ARHGEF38: variants seen among roughly 807,000 people sequenced by gnomAD.
ARHGEF38 encodes Rho guanine nucleotide exchange factor 38.
A neutral mutation model predicts 79.9 loss-of-function variants in ARHGEF38; 79 were observed. That is an observed-to-expected ratio of 0.99 (90% CI 0.82 to 1.19). ARHGEF38 has a LOEUF of 1.19. Ranked by LOEUF, ARHGEF38 falls within the 50% of genes most tolerant of loss-of-function variation. The probability of loss-of-function intolerance (pLI) is 0.00; values close to 1 mark genes in which losing one functional copy is unlikely to be tolerated. For missense variants in ARHGEF38, 962 were observed against 907.2 expected, an observed-to-expected ratio of 1.06 and a Z score of -0.78; for synonymous variants, 366 against 328.3, an observed-to-expected ratio of 1.11 and a Z score of -1.24.
chr4:105,672,558 C>T (rs144422737), intron 13 of ARHGEF38, among the ~76,000 whole-genome samples: 2 of 152,290 alleles, frequency 1.3e-5, no homozygotes, highest in Non-Finnish European at 2.9e-5. Context: ...CTCCTTTTGT[C>T]CATCAAATAG....
At chr4:105,630,735 AG>A (rs1002590168) in intron 3 of ARHGEF38, among the ~76,000 whole-genome samples, 162 bp from the exon 4 acceptor site, 1 of 152,194 alleles carries the variant, frequency 6.6e-6, no homozygotes, top group Admixed American at 6.5e-5. Flanking sequence ...AGGAAAGAAA[AG>A]GAAAAAAAAA....
chr4:105,667,576 C>T lies in ARHGEF38; in HGVS notation c.2021C>T (p.Ala674Val). 2 of 1,536,700 alleles carry T rather than the reference C, an allele frequency of 1.3e-6. No individual in the cohort carries two copies. The highest frequency in any genetic ancestry group is 1.7e-6 in the Non-Finnish European group (2 of 1,147,034). The change falls in exon 13 of 14, where the codon GCT becomes GTT. Residue 674 changes from alanine (A) to valine (V), a missense_variant. Transcript: ENST00000420470. ...NISLFVSSRPASDSVTGTSES... is the reference protein window; with the variant it reads ...NISLFVSSRPVSDSVTGTSES... ...AGCCTCTTCGTGTCTTCACGGCCAGCTAGTGACAGTGTCACAGGCACCTCA... is the reference window on the plus strand; with the variant it reads ...AGCCTCTTCGTGTCTTCACGGCCAGTTAGTGACAGTGTCACAGGCACCTCA...
At chr4:105,560,255 C>A (rs1167117578) in intron 1 of ARHGEF38, among the ~76,000 whole-genome samples, 2 of 152,088 alleles carry the variant, frequency 1.3e-5, no homozygotes, top group African/African-American at 4.8e-5. Context: ...TGTCGGGGAA[C>A]AAAATTACAA....
At chr4:105,631,617 T>G in intron 4 of ARHGEF38, 5 of 985,376 alleles carry the variant, frequency 5.1e-6, no homozygotes, top group Non-Finnish European at 3.6e-6. Flanking sequence ...GAAGTATCTA[T>G]TCACTGTGAA....
intron 2 of ARHGEF38, among the ~76,000 whole-genome samples, chr4:105,610,921 C>G (rs1210356397): frequency 3.9e-5 from 6 of 151,930 alleles, no homozygotes; most frequent in African/African-American, 4.8e-5. Context: ...AACTCAGGAA[C>G]AAACCAAAAA....
chr4:105,613,247 A>T, intron 2 of ARHGEF38, 137 bp from the exon 3 acceptor site: 1 of 1,167,732 alleles, frequency 8.6e-7, no homozygotes, highest in Non-Finnish European at 1.1e-6. Flanking sequence ...GCACTCTAGA[A>T]TTCCTAAATA....
At chr4:105,652,073 G>A (rs916737912) in intron 7 of ARHGEF38, among the ~76,000 whole-genome samples, 4 of 152,248 alleles carry the variant, frequency 2.6e-5, no homozygotes, top group Non-Finnish European at 5.9e-5. Flanking sequence ...CCAGCTGCAA[G>A]GGAGTTTGGG....
chr4:105,680,962 G>C (rs962755798), downstream of ARHGEF38: 1 of 152,146 alleles, frequency 6.6e-6, no homozygotes, highest in Non-Finnish European at 1.5e-5. Flanking sequence ...TTGCGGAGCT[G>C]AGTTTTTATG....
intron 13 of ARHGEF38, among the ~76,000 whole-genome samples, chr4:105,674,756 A>T (rs942767497): frequency 6.6e-6 from 1 of 152,118 alleles, no homozygotes; most frequent in East Asian, 1.9e-4. Context: ...TTACAATTTC[A>T]TGAGAATATA....
rs1731204304 is a variant in ARHGEF38, at chr4:105,678,794, CT to C, written c.*863del. 6.7e-6 allele frequency: 1 copy of C among 148,828 alleles called. No individual in the cohort carries two copies. The highest frequency in any genetic ancestry group is 6.7e-5 in the Admixed American group (1 of 14,944). The allele number at this position is 148,828 out of a possible 1,614,324, so 9.2% of individuals were successfully genotyped here. A position where few individuals can be genotyped will look rare whatever the true frequency, so the allele number is the denominator to read the frequency against. On this transcript the variant is annotated 3_prime_UTR_variant, in exon 14 of 14. Transcript: ENST00000420470. ...AAATAGACTTCCCCTTCAGCCAGGG[CT>C]TTTTTCTTTCTTTTCTTGTTGTTTT...
intron 1 of ARHGEF38, among the ~76,000 whole-genome samples, chr4:105,554,733 G>C (rs998050574): frequency 7.8e-6 from 1 of 128,126 alleles, no homozygotes; most frequent in African/African-American, 3.0e-5. Context: ...TAGTGTTGTT[G>C]GGAGATTGAA....
At chr4:105,648,147 G>A (rs1226157515) in intron 6 of ARHGEF38, among the ~76,000 whole-genome samples, 7 of 151,858 alleles carry the variant, frequency 4.6e-5, no homozygotes, top group African/African-American at 9.7e-5. Flanking sequence ...CTCGGCCTCC[G>A]AAAGTGCTGG....
At chr4:105,651,258 G>A (rs551773028) in intron 7 of ARHGEF38, among the ~76,000 whole-genome samples, 4 of 152,290 alleles carry the variant, frequency 2.6e-5, no homozygotes, top group African/African-American at 9.6e-5. Context: ...CAGCAATGAA[G>A]CATTTTACTG....
chr4:105,647,659 C>G (rs1397718878), intron 6 of ARHGEF38, among the ~76,000 whole-genome samples: 6 of 152,086 alleles, frequency 3.9e-5, no homozygotes, highest in Non-Finnish European at 7.3e-5. Flanking sequence ...TGGTTTAATT[C>G]TCATCAGCAG....
chr4:105,602,470 G>A (rs548041985), intron 2 of ARHGEF38, among the ~76,000 whole-genome samples: 9 of 152,276 alleles, frequency 5.9e-5, no homozygotes, highest in African/African-American at 2.2e-4. Context: ...ATAAAAATGA[G>A]TGTAGAAGCT....
chr4:105,569,511 T>A (rs574695483), intron 1 of ARHGEF38, among the ~76,000 whole-genome samples: 96 of 152,306 alleles, frequency 6.3e-4, no homozygotes, highest in Non-Finnish European at 1.9e-4. Context: ...AGATACAGAA[T>A]AATGGCAAGT....
intron 1 of ARHGEF38, among the ~76,000 whole-genome samples, chr4:105,555,356 C>T (rs538261805): frequency 9.2e-5 from 14 of 152,228 alleles, no homozygotes; most frequent in African/African-American, 3.4e-4. Context: ...CCTAATAGAG[C>T]TTTTAGCATG....
chr4:105,625,174 A>G (rs190129978), intron 3 of ARHGEF38, among the ~76,000 whole-genome samples: 162 of 152,330 alleles, frequency 1.1e-3, no homozygotes, highest in African/African-American at 3.6e-3. Context: ...TGTTAATACA[A>G]GCAACATCCA....
chr4:105,667,513 C>T lies in ARHGEF38; in HGVS notation c.1958C>T (p.Ala653Val). The T allele has an allele frequency of 1.3e-6, 2 of 1,536,482 alleles. No individual in the cohort carries two copies. The highest frequency in any genetic ancestry group is 1.7e-6 in the Non-Finnish European group (2 of 1,146,994). ...CCAGCAAAAATGCAGAAAGTGGATG[C>T]TGAGAACAGGTTCTGTGACGATGAT... ...YNPAKMQKVDAENRFCDDDFE... is the reference protein window; with the variant it reads ...YNPAKMQKVDVENRFCDDDFE... Residue 653 changes from alanine to valine, a missense_variant, in exon 13 of 14, where the codon GCT (alanine) becomes GTT (valine). Coordinates refer to ENST00000420470, the MANE Select transcript of ARHGEF38 (RefSeq NM_001242729.2).
Sources: gnomAD v4.1 joint callset for allele counts (sites outside exome capture counted in the v4.1 genomes callset) on GRCh38, gnomAD v4.1.1 for gene constraint, MANE v1.5 for transcripts, NCBI Gene and HGNC (gene_info 2026-07-23, HGNC 2026-07-21) for gene names.